Variants in ALG14 observed in about 807,000 individuals in gnomAD.
ALG14 encodes ALG14 UDP-N-acetylglucosaminyltransferase subunit.
A neutral mutation model predicts 22.8 loss-of-function variants in ALG14; 17 were observed. The observed-to-expected ratio is 0.75, with a 90% CI of 0.51 to 1.12. ALG14 has a LOEUF of 1.12. Among genes scored for constraint, ALG14 ranks in the 50% most tolerant of loss-of-function variants. ALG14 has a pLI of 0.00. For missense variants in ALG14, 288 were observed against 271.8 expected, an observed-to-expected ratio of 1.06 and a Z score of -0.42; for synonymous variants, 89 against 103.7, an observed-to-expected ratio of 0.86 and a Z score of 0.86.
intron 3 of ALG14, among the ~76,000 whole-genome samples, chr1:95,009,528 C>T (rs920874698): frequency 2.0e-5 from 3 of 152,076 alleles, no homozygotes; most frequent in Non-Finnish European, 4.4e-5. Flanking sequence ...ACACAAAATA[C>T]ACTCTTATAA....
At chr1:94,990,925 C>A (rs930451729) in intron 3 of ALG14, among the ~76,000 whole-genome samples, 1 of 152,218 alleles carries the variant, frequency 6.6e-6, no homozygotes, top group African/African-American at 2.4e-5. Context: ...CTTGCTCTAT[C>A]GATTATTCTG....
At chr1:94,984,724 T>C (rs2100711470) in intron 3 of ALG14, among the ~76,000 whole-genome samples, 2 of 152,246 alleles carry the variant, frequency 1.3e-5, no homozygotes, top group Non-Finnish European at 2.9e-5. Context: ...GGCAGTGTAA[T>C]AGAAAATGGA....
At chr1:95,019,340 C>G (rs530030720) in intron 3 of ALG14, among the ~76,000 whole-genome samples, 34 of 152,316 alleles carry the variant, frequency 2.2e-4, no homozygotes, top group Non-Finnish European at 2.5e-4. Flanking sequence ...GACCTTCTTG[C>G]TATTTTTAAG....
At chr1:95,009,437 G>A (rs1417500675) in intron 3 of ALG14, among the ~76,000 whole-genome samples, 1 of 152,036 alleles carries the variant, frequency 6.6e-6, no homozygotes, top group Non-Finnish European at 1.5e-5. Flanking sequence ...AAGGAAGGAG[G>A]AATTTCCAAG....
At chr1:95,027,422 T>G (rs549807088) in intron 2 of ALG14, among the ~76,000 whole-genome samples, 162 bp from the exon 3 acceptor site, 1 of 152,340 alleles carries the variant, frequency 6.6e-6, no homozygotes, top group East Asian at 1.9e-4. Context: ...ATGCTTTATA[T>G]AACACATCAG....
intron 2 of ALG14, among the ~76,000 whole-genome samples, chr1:95,061,046 C>T (rs187552242): frequency 1.6e-3 from 251 of 152,290 alleles, no homozygotes; most frequent in African/African-American, 5.8e-3. Flanking sequence ...AGTGACGTAG[C>T]TGCAAGCTAA....
At chr1:95,059,505 T>A (rs998984030) in intron 2 of ALG14, among the ~76,000 whole-genome samples, 25 of 152,052 alleles carry the variant, frequency 1.6e-4, no homozygotes, top group African/African-American at 5.8e-4. Context: ...TTTTTCTTCC[T>A]CTTTTTAAGT....
chr1:95,007,827 G>C (rs1023951921), intron 3 of ALG14, among the ~76,000 whole-genome samples: 2 of 152,200 alleles, frequency 1.3e-5, no homozygotes, highest in African/African-American at 4.8e-5. Context: ...GGTTAGCCAT[G>C]GAAGTCTAAG....
Position 94,976,677 on chromosome 1 carries a change from G to A in ALG14, c.*6399C>T, listed in dbSNP as rs1672402071. 6.6e-6 allele frequency: 1 copy of A among 151,888 alleles called. No individual in the cohort carries two copies. The allele number at this position is 151,888 out of a possible 1,614,324, so 9.4% of individuals were successfully genotyped here. A position where few individuals can be genotyped will look rare whatever the true frequency, so the allele number is the denominator to read the frequency against. On this transcript the variant is annotated 3_prime_UTR_variant, in exon 4 of 4. Coordinates refer to ENST00000370205, the MANE Select transcript of ALG14 (RefSeq NM_144988.4). ...ACAGCACTCCAGCCTGGGTGACAGAGTGAGACTCCGTCTTAAAGAAAAAAA... is the reference window on the plus strand; with the variant it reads ...ACAGCACTCCAGCCTGGGTGACAGAATGAGACTCCGTCTTAAAGAAAAAAA...
intron 3 of ALG14, among the ~76,000 whole-genome samples, chr1:94,990,578 T>C (rs1373426976): frequency 1.3e-5 from 2 of 152,256 alleles, no homozygotes; most frequent in Non-Finnish European, 2.9e-5. Context: ...CGTATACAAC[T>C]ACATCCATTC....
intron 3 of ALG14, among the ~76,000 whole-genome samples, chr1:95,020,927 A>G (rs1181857943): frequency 6.6e-6 from 1 of 152,204 alleles, no homozygotes; most frequent in Admixed American, 6.5e-5. Context: ...GGCTAATTTT[A>G]TGTTATGTGA....
chr1:94,983,406 T>C, intron 3 of ALG14, 100 bp from the exon 4 acceptor site: 1 of 964,054 alleles, frequency 1.0e-6, no homozygotes, highest in Non-Finnish European at 1.6e-6. Flanking sequence ...GATCTGCTTA[T>C]GATTCTAATA....
chr1:95,005,896 T>G (rs1673206451), intron 3 of ALG14, among the ~76,000 whole-genome samples: 1 of 152,182 alleles, frequency 6.6e-6, no homozygotes, highest in Non-Finnish European at 1.5e-5. Flanking sequence ...CCATTGGACA[T>G]CTACGTAGTG....
rs1259497203 is a variant in ALG14 at position 94,982,889 on chromosome 1, A to G, written c.*187T>C. Reference sequence around the variant, plus strand: ...TAAACATTTAGTAGTTACGTTTATCAATGTTTGTTTCATAAGAGAAGCCTC... The same window carrying G: ...TAAACATTTAGTAGTTACGTTTATCGATGTTTGTTTCATAAGAGAAGCCTC... On this transcript the variant is annotated 3_prime_UTR_variant, in exon 4 of 4. Coordinates refer to ENST00000370205, the MANE Select transcript of ALG14 (RefSeq NM_144988.4). 1 of 586,854 alleles carries G rather than the reference A, an allele frequency of 1.7e-6. No homozygotes were observed. Among genetic ancestry groups the G allele is most frequent in the Non-Finnish European group, 3.0e-6 (1 of 334,548 alleles). The allele number at this position is 586,854 out of a possible 1,614,324, so 36.4% of individuals were successfully genotyped here. A position where few individuals can be genotyped will look rare whatever the true frequency, so the allele number is the denominator to read the frequency against.
At chr1:94,987,830 C>T (rs1257322156) in intron 3 of ALG14, among the ~76,000 whole-genome samples, 1 of 152,084 alleles carries the variant, frequency 6.6e-6, no homozygotes, top group Non-Finnish European at 1.5e-5. Context: ...GAGGGTGACC[C>T]GAGAGAGCAT....
chr1:94,986,818 G>A (rs866724034), intron 3 of ALG14, among the ~76,000 whole-genome samples: 57 of 148,840 alleles, frequency 3.8e-4, no homozygotes, highest in African/African-American at 1.4e-3. Flanking sequence ...CCTTTTCCTC[G>A]GGAACGAACC....
Position 94,977,823 on chromosome 1 carries a change from A to AT in ALG14, c.*5252dup, listed in dbSNP as rs544523939. 2.2e-4 allele frequency: 34 copies of AT among 151,170 alleles called. No homozygotes were observed. The highest frequency in any genetic ancestry group is 4.3e-4 in the Non-Finnish European group (29 of 67,788). 9.4% of individuals were successfully genotyped at this position (151,170 alleles called of 1,614,324 possible). A position where few individuals can be genotyped will look rare whatever the true frequency, so the allele number is the denominator to read the frequency against. On this transcript the variant is annotated 3_prime_UTR_variant, in exon 4 of 4. Transcript: ENST00000370205. Reference sequence around the variant, plus strand: ...ATCACCATGCCTGGCTAATTTTTGTATTTTTTTTGTAGAGATGGGGTTTTA... The same window carrying AT: ...ATCACCATGCCTGGCTAATTTTTGTATTTTTTTTTGTAGAGATGGGGTTTTA...
intron 2 of ALG14, among the ~76,000 whole-genome samples, chr1:95,058,286 A>T (rs1035958000): frequency 8.2e-6 from 1 of 122,624 alleles, no homozygotes; most frequent in Non-Finnish European, 1.6e-5. Context: ...CTCCATCTGA[A>T]AAAAAAAAAA....
chr1:95,029,204 A>G (rs866776484), intron 2 of ALG14, among the ~76,000 whole-genome samples: 54 of 104,440 alleles, frequency 5.2e-4, no homozygotes, highest in African/African-American at 2.2e-3. Context: ...AAGGTGGCTC[A>G]CTCAATGGCT....
Sources: allele counts gnomAD v4.1 joint callset (sites outside exome capture counted in the v4.1 genomes callset), GRCh38; gene constraint gnomAD v4.1.1; transcripts MANE v1.5; gene names NCBI Gene and HGNC (gene_info 2026-07-23, HGNC 2026-07-21).